FGFR2: variants seen among roughly 807,000 people sequenced by gnomAD.
The protein encoded by FGFR2 is fibroblast growth factor receptor 2.
A neutral mutation model predicts 95.9 loss-of-function variants in FGFR2; 19 were observed. The ratio of observed to expected loss-of-function variants is 0.20; its 90% CI spans 0.14 to 0.29. The LOEUF is 0.29. Among genes scored for constraint, FGFR2 ranks in the 10% least tolerant of loss-of-function variants. FGFR2 has a pLI of 1.00. For synonymous variants in FGFR2, 392 were observed against 393.3 expected (o/e 1.00, Z 0.04); for missense variants, 707 against 1,056.9 (o/e 0.67, Z 4.59).
intron 10 of FGFR2, among the ~76,000 whole-genome samples, 172 bp from the exon 11 acceptor site, chr10:121,501,119 C>T (rs550287735): frequency 2.0e-5 from 3 of 152,228 alleles, no homozygotes; most frequent in East Asian, 1.9e-4. Flanking sequence ...TTCCTAGTGA[C>T]GTTTTAGAGA....
chr10:121,598,122 C>T lies in FGFR2; in HGVS notation c.-311G>A. The T allele has an allele frequency of 2.5e-6, 1 of 398,420 alleles. No homozygotes were observed. Among genetic ancestry groups the T allele is most frequent in the East Asian group, 3.6e-5 (1 of 28,054 alleles). The allele number at this position is 398,420 out of a possible 1,614,324, so 24.7% of individuals were successfully genotyped here. A position where few individuals can be genotyped will look rare whatever the true frequency, so the allele number is the denominator to read the frequency against. On this transcript the variant is annotated 5_prime_UTR_variant, in exon 1 of 18. Transcript: ENST00000358487. ...CCAAGCCTCCCGGGCTTCACGCGTACCCCAGGCTGCGGAGGAGCGCGGGCA... is the reference window on the plus strand; with the variant it reads ...CCAAGCCTCCCGGGCTTCACGCGTATCCCAGGCTGCGGAGGAGCGCGGGCA...
At chr10:121,546,183 A>AC (rs940595805) in intron 5 of FGFR2, among the ~76,000 whole-genome samples, 4 of 85,960 alleles carry the variant, frequency 4.7e-5, no homozygotes, top group African/African-American at 1.4e-4. Flanking sequence ...TAACCTCTTT[A>AC]TTAAAAAAAA....
intron 6 of FGFR2, among the ~76,000 whole-genome samples, chr10:121,533,496 A>C (rs1852371429): frequency 6.6e-6 from 1 of 152,218 alleles, no homozygotes; most frequent in East Asian, 1.9e-4. Context: ...TGCCAGGCAA[A>C]AAGCTTGACA....
intron 2 of FGFR2, among the ~76,000 whole-genome samples, chr10:121,576,835 G>A (rs1044013782): frequency 2.0e-5 from 3 of 151,846 alleles, no homozygotes; most frequent in Non-Finnish European, 1.5e-5. Flanking sequence ...GGCTGGGGGT[G>A]TTAAAGGTAC....
rs375538056 is a variant in FGFR2, at chr10:121,518,854, A to G, written c.939+1125T>C. 6.2e-7 allele frequency: 1 copy of G among 1,613,974 alleles called. No individual in the cohort carries two copies. Among genetic ancestry groups the G allele is most frequent in the South Asian group, 1.1e-5 (1 of 91,072 alleles). On this transcript the variant is annotated intron_variant, in intron 7 of 17. Coordinates refer to ENST00000358487, the MANE Select transcript of FGFR2 (RefSeq NM_000141.5). This position sits in a 1 kb window ranked among gnomAD's most constrained non-coding sequence, Gnocchi z 4.0. ...GCTAGAACAGACACAGGAGAACAAT[A>G]TAACGGCCAACCAGGAAGGTCTTAG...
chr10:121,502,199 T>C (rs1847688284), intron 10 of FGFR2, among the ~76,000 whole-genome samples: 2 of 152,224 alleles, frequency 1.3e-5, no homozygotes, highest in Non-Finnish European at 2.9e-5. Flanking sequence ...GTTATATATA[T>C]AGGAATGTGC....
chr10:121,522,356 G>A (rs2981441), intron 6 of FGFR2, among the ~76,000 whole-genome samples: 135,957 of 152,188 alleles, frequency 0.89, 62,691 homozygotes, highest in East Asian at 1. Context: ...CAGGAGTGTG[G>A]GACCAGCCTG....
chr10:121,561,277 A>G (rs1386384542), intron 4 of FGFR2, among the ~76,000 whole-genome samples: 5 of 152,020 alleles, frequency 3.3e-5, no homozygotes, highest in Admixed American at 6.6e-5. Flanking sequence ...ATACAAAATT[A>G]GCGGGGTGTG....
At chr10:121,506,618 T>C (rs929191454) in intron 9 of FGFR2, among the ~76,000 whole-genome samples, 2 of 152,150 alleles carry the variant, frequency 1.3e-5, no homozygotes, top group Admixed American at 6.5e-5. Flanking sequence ...TGGCTGGGCT[T>C]CTGTGCCTCC....
In FGFR2 at chr10:121,517,913, C is replaced by A. The variant is rs993809841; in HGVS notation, c.940-450G>T. 16 of 361,058 alleles carry A rather than the reference C, an allele frequency of 4.4e-5. No homozygotes were observed. In the Middle Eastern group the frequency reaches 1.1e-3, roughly 26 times the overall value. The allele number at this position is 361,058 out of a possible 1,614,324, so 22.4% of individuals were successfully genotyped here. A position where few individuals can be genotyped will look rare whatever the true frequency, so the allele number is the denominator to read the frequency against. ...CACATAAGCCCAGATGGACACCTCA[C>A]CCATCCTCCTGGCCCTGTGGGAACC... On this transcript the variant is annotated intron_variant, in intron 7 of 17. Coordinates refer to ENST00000358487, the MANE Select transcript of FGFR2 (RefSeq NM_000141.5). The surrounding 1 kb of genome is among the most constrained non-coding windows in gnomAD (Gnocchi z 4.7).
At chr10:121,506,573 C>T (rs1450801708) in intron 9 of FGFR2, among the ~76,000 whole-genome samples, 1 of 152,096 alleles carries the variant, frequency 6.6e-6, no homozygotes, top group Non-Finnish European at 1.5e-5. Context: ...GACCGCAGTC[C>T]TGGATGACGT....
At chr10:121,520,925 G>A (rs1850452787) in intron 6 of FGFR2, among the ~76,000 whole-genome samples, 1 of 152,232 alleles carries the variant, frequency 6.6e-6, no homozygotes, top group Admixed American at 6.5e-5. Flanking sequence ...TTACAGACGT[G>A]AGCCACCACG....
chr10:121,522,681 G>A (rs548412486), intron 6 of FGFR2, among the ~76,000 whole-genome samples: 23 of 152,168 alleles, frequency 1.5e-4, no homozygotes, highest in African/African-American at 4.3e-4. Flanking sequence ...TGATCTTGTC[G>A]TACAAACTTA....
intron 5 of FGFR2, among the ~76,000 whole-genome samples, chr10:121,547,829 G>T (rs1285732782): frequency 6.6e-6 from 1 of 152,174 alleles, no homozygotes; most frequent in Admixed American, 6.5e-5. Flanking sequence ...GCAGGCCATA[G>T]CCAGCCAAGG....
At chr10:121,593,590 C>A (rs2135479967) in intron 2 of FGFR2, 119 bp downstream of exon 2, 1 of 884,154 alleles carries the variant, frequency 1.1e-6, no homozygotes, top group African/African-American at 1.7e-5. Context: ...AGACCACGAT[C>A]TGGTGCTCTT....
At chr10:121,554,365 G>A (rs1188082875) in intron 4 of FGFR2, among the ~76,000 whole-genome samples, 15 of 149,800 alleles carry the variant, frequency 1.0e-4, no homozygotes, top group South Asian at 2.1e-4. Flanking sequence ...TTGAGACAGC[G>A]TCTTGCTCTG....
intron 4 of FGFR2, among the ~76,000 whole-genome samples, chr10:121,557,670 G>A (rs1227191867): frequency 6.6e-6 from 1 of 152,130 alleles, no homozygotes; most frequent in Non-Finnish European, 1.5e-5. Flanking sequence ...CAAAGCCTGT[G>A]TGGGTTTTTT....
chr10:121,569,418 T>C (rs1279546550), intron 2 of FGFR2, among the ~76,000 whole-genome samples: 3 of 152,132 alleles, frequency 2.0e-5, no homozygotes, highest in Non-Finnish European at 4.4e-5. Context: ...AGACAGCGTT[T>C]ACCATATTGG....
intron 2 of FGFR2, among the ~76,000 whole-genome samples, chr10:121,584,909 G>A (rs866924923): frequency 2.7e-5 from 2 of 73,470 alleles, no homozygotes; most frequent in African/African-American, 5.7e-5. Flanking sequence ...CACCCCAAAC[G>A]ATCCCATAAC....
Sources: gnomAD v4.1 joint callset for allele counts (sites outside exome capture counted in the v4.1 genomes callset) on GRCh38, gnomAD v4.1.1 for gene constraint, Gnocchi (gnomAD v3.1) non-coding constraint, MANE v1.5 for transcripts, NCBI Gene and HGNC (gene_info 2026-07-23, HGNC 2026-07-21) for gene names.